Variants in YAP1 observed in about 807,000 individuals in gnomAD.
YAP1 encodes the protein transcriptional coactivator YAP1.
Under a neutral mutation model 56.9 loss-of-function variants are expected in YAP1, and 5 were observed. That is an observed-to-expected ratio of 0.09 (90% CI 0.05 to 0.18). YAP1 has a LOEUF of 0.18. YAP1 is among the 10% of genes least tolerant of loss of function. The pLI is 1.00. For synonymous variants in YAP1, 265 were observed against 248.1 expected (o/e 1.07, Z -0.64); for missense variants, 539 against 651.8 (o/e 0.83, Z 1.88).
chr11:102,194,265 T>G (rs1948459469), intron 4 of YAP1, among the ~76,000 whole-genome samples: 1 of 152,218 alleles, frequency 6.6e-6, no homozygotes, highest in Non-Finnish European at 1.5e-5. Context: ...AGAAAGAGAT[T>G]ATAGAATTAT....
intron 4 of YAP1, among the ~76,000 whole-genome samples, chr11:102,191,686 C>G (rs561889661): frequency 2.6e-4 from 39 of 151,936 alleles, no homozygotes; most frequent in African/African-American, 9.2e-4. Context: ...TTTATTGTTT[C>G]TTTCTTTTTT....
At chr11:102,135,742 T>A (rs1944636455) in intron 2 of YAP1, among the ~76,000 whole-genome samples, 1 of 152,182 alleles carries the variant, frequency 6.6e-6, no homozygotes, top group African/African-American at 2.4e-5. Flanking sequence ...AGTAAAAAAA[T>A]TGGTGGTCAT....
chr11:102,200,887 T>TA (rs1565261760), intron 4 of YAP1, among the ~76,000 whole-genome samples: 1 of 152,202 alleles, frequency 6.6e-6, no homozygotes, highest in Non-Finnish European at 1.5e-5. Flanking sequence ...CATACTGAGA[T>TA]ACTACTCATC....
At chr11:102,215,756 G>A (rs908714511) in intron 6 of YAP1, among the ~76,000 whole-genome samples, 11 of 152,198 alleles carry the variant, frequency 7.2e-5, no homozygotes, top group African/African-American at 2.7e-4. Context: ...TGGGATTACA[G>A]TCATGAGCCA....
chr11:102,151,430 T>G (rs2135348848), intron 2 of YAP1, among the ~76,000 whole-genome samples: 1 of 152,364 alleles, frequency 6.6e-6, no homozygotes, highest in African/African-American at 2.4e-5. Context: ...CTTCAGAGGC[T>G]GTCACCTTTA....
rs1232067606 is a variant in YAP1 at position 102,111,096 on chromosome 11, C to G, written c.248C>G (p.Thr83Ser). The change falls in exon 1 of 9, where the codon ACC (threonine) becomes AGC (serine). Residue 83 changes from threonine to serine, a missense_variant. Around this residue, in one of 4 missense-constraint regions of YAP1, gnomAD observed 414 missense variants for 512.4 expected, o/e 0.81. Coordinates refer to ENST00000282441, the MANE Select transcript of YAP1 (RefSeq NM_001130145.3). ...MNPKTANVPQ[T>S]VPMRLRKLPD... ...CCCAAGACGGCCAACGTGCCCCAGA[C>G]CGTGCCCATGAGGCTCCGGAAGCTG... 1.2e-6 allele frequency: 2 copies of G among 1,613,368 alleles called. No individual in the cohort carries two copies. The highest frequency in any genetic ancestry group is 2.7e-5 in the African/African-American group (2 of 74,922).
intron 1 of YAP1, among the ~76,000 whole-genome samples, chr11:102,112,120 T>TTTTA (rs1311607795): frequency 6.6e-6 from 1 of 152,186 alleles, no homozygotes; most frequent in African/African-American, 2.4e-5. Flanking sequence ...AGTACCGAGG[T>TTTTA]TTTAACACAA....
chr11:102,139,881 T>A (rs1057076821), intron 2 of YAP1, among the ~76,000 whole-genome samples: 5 of 152,156 alleles, frequency 3.3e-5, no homozygotes, highest in East Asian at 1.9e-4. Flanking sequence ...GCTTTTTTTT[T>A]AAATGGTGAC....
At position 102,162,576 on chromosome 11, in the gene YAP1, G is replaced by T. The variant is rs746804981; in HGVS notation, c.688+5G>T. On this transcript the variant is annotated splice_donor_5th_base_variant and intron_variant, in intron 3 of 8. Coordinates refer to ENST00000282441, the MANE Select transcript of YAP1 (RefSeq NM_001130145.3). ...ATATGATGAACTCGGCTTCAGGTGA[G>T]TGAGACACTGTAATTACAGCACATG... 6.2e-7 allele frequency: 1 copy of T among 1,612,058 alleles called. No individual in the cohort carries two copies. Among genetic ancestry groups the T allele is most frequent in the African/African-American group, 1.3e-5 (1 of 74,916 alleles).
chr11:102,209,324 T>G (rs1233110033), intron 5 of YAP1, among the ~76,000 whole-genome samples, 193 bp from the exon 6 acceptor site: 2 of 152,138 alleles, frequency 1.3e-5, no homozygotes, highest in African/African-American at 4.8e-5. Context: ...TCAATGCTGT[T>G]AAAAACTTCT....
chr11:102,225,077 A>G (rs2135709378), intron 7 of YAP1, among the ~76,000 whole-genome samples: 1 of 152,288 alleles, frequency 6.6e-6, no homozygotes, highest in South Asian at 2.1e-4. Flanking sequence ...TCAGAGTGGC[A>G]GATAATCAGT....
chr11:102,223,767 C>T lies in YAP1; in HGVS notation c.1163+15C>T. On this transcript the variant is annotated intron_variant, in intron 7 of 8. Coordinates refer to ENST00000282441, the MANE Select transcript of YAP1 (RefSeq NM_001130145.3). ...TTCCTTAACAGGTTGGTGAAAGTTG[C>T]TACTGGTGAATATCTGAAAAGGATC... The T allele has an allele frequency of 1.2e-6, 2 of 1,613,536 alleles. No individual in the cohort carries two copies. Among genetic ancestry groups the T allele is most frequent in the Non-Finnish European group, 1.7e-6 (2 of 1,179,754 alleles).
At chr11:102,176,851 T>C (rs532144390) in intron 3 of YAP1, among the ~76,000 whole-genome samples, 1 of 145,578 alleles carries the variant, frequency 6.9e-6, no homozygotes, top group South Asian at 2.2e-4. Flanking sequence ...ACTGAGAATG[T>C]AGGGAGGTGG....
At chr11:102,187,342 T>TTTA (rs944081660) in intron 4 of YAP1, among the ~76,000 whole-genome samples, 69 of 143,886 alleles carry the variant, frequency 4.8e-4, no homozygotes, top group African/African-American at 1.7e-3. Context: ...ATACTGTCCT[T>TTTA]TTAAGCTTCA....
chr11:102,144,350 T>C (rs2135308360), intron 2 of YAP1, among the ~76,000 whole-genome samples: 1 of 152,344 alleles, frequency 6.6e-6, no homozygotes, highest in Non-Finnish European at 1.5e-5. Context: ...AATTGTATTA[T>C]TTAAATTGGA....
At chr11:102,168,609 T>C (rs1210999638) in intron 3 of YAP1, among the ~76,000 whole-genome samples, 1 of 152,194 alleles carries the variant, frequency 6.6e-6, no homozygotes, top group Non-Finnish European at 1.5e-5. Context: ...TACCTCAAGA[T>C]GGGTGGAGAA....
intron 4 of YAP1, among the ~76,000 whole-genome samples, chr11:102,188,035 A>C (rs1948074239): frequency 6.6e-6 from 1 of 152,254 alleles, no homozygotes; most frequent in Admixed American, 6.5e-5. Context: ...GGGGCAGGAA[A>C]GAAAAAAACG....
chr11:102,116,497 G>T (rs1258877654), intron 2 of YAP1, among the ~76,000 whole-genome samples: 2 of 152,102 alleles, frequency 1.3e-5, no homozygotes, highest in Non-Finnish European at 2.9e-5. Flanking sequence ...TAAAGGTATT[G>T]ATATATGTAG....
intron 3 of YAP1, among the ~76,000 whole-genome samples, chr11:102,165,917 G>A (rs1292592972): frequency 6.6e-6 from 1 of 152,088 alleles, no homozygotes; most frequent in Non-Finnish European, 1.5e-5. Context: ...GAAGGTGATG[G>A]GTGTGGAGAT....
Sources: gnomAD v4.1 joint callset for allele counts (sites outside exome capture counted in the v4.1 genomes callset) on GRCh38, gnomAD v4.1.1 for gene constraint, gnomAD v4.1.1 regional missense constraint, MANE v1.5 for transcripts, NCBI Gene and HGNC (gene_info 2026-07-23, HGNC 2026-07-21) for gene names.